The following KCNK10 variants were observed in gnomAD, a reference collection of about 807,000 sequenced individuals.
The protein encoded by KCNK10 is potassium two pore domain channel subfamily K member 10.
Under a neutral mutation model 47.7 loss-of-function variants are expected in KCNK10, and 25 were observed. The observed-to-expected ratio is 0.52, with a 90% CI of 0.38 to 0.73. KCNK10 has a LOEUF of 0.73. KCNK10 is among the 30% of genes least tolerant of loss of function. KCNK10 has a pLI of 0.00. For synonymous variants in KCNK10, 303 were observed against 285.6 expected (o/e 1.06, Z -0.61); for missense variants, 563 against 714.5 (o/e 0.79, Z 2.42).
intron 1 of KCNK10, among the ~76,000 whole-genome samples, chr14:88,304,377 T>C (rs922648822): frequency 1.3e-5 from 2 of 152,156 alleles, no homozygotes; most frequent in Admixed American, 1.3e-4. Context: ...TGTAATGAAG[T>C]AAGAAAGACA....
chr14:88,218,590 C>T (rs1885699382), intron 4 of KCNK10, among the ~76,000 whole-genome samples: 1 of 151,102 alleles, frequency 6.6e-6, no homozygotes, highest in Admixed American at 6.6e-5. Context: ...AAAAAGGTGT[C>T]CCTTGGTTTT....
At position 88,323,032 on chromosome 14, in the gene KCNK10, C is replaced by A. The variant is rs922519978; in HGVS notation, c.-234G>T. 2 of 1,324,590 alleles carry A rather than the reference C, an allele frequency of 1.5e-6. No homozygotes were observed. Among genetic ancestry groups the A allele is most frequent in the Non-Finnish European group, 1.9e-6 (2 of 1,034,638 alleles). The allele number at this position is 1,324,590 out of a possible 1,614,324, so 82.1% of individuals were successfully genotyped here. A position where few individuals can be genotyped will look rare whatever the true frequency, so the allele number is the denominator to read the frequency against. ...GCCAGGGGGTGGCCGGCCGCGGCCC[C>A]GTGGGTAAAAGAAAAAGTAAGATCG... is the stretch of plus-strand genomic sequence containing the variant. On this transcript the variant is annotated 5_prime_UTR_variant, in exon 1 of 7. Transcript: ENST00000319231.
At chr14:88,216,222 C>T (rs905624122) in intron 4 of KCNK10, among the ~76,000 whole-genome samples, 3 of 152,062 alleles carry the variant, frequency 2.0e-5, no homozygotes, top group Admixed American at 2.0e-4. Flanking sequence ...GTCGGAATGG[C>T]GCTAGCACTG....
chr14:88,183,539 T>G lies in KCNK10; in HGVS notation c.*1996A>C, dbSNP rs1429691382. ...GCTGGAATGATTCCCATAGTAAAACTCAACATCCACACCTGCATAAACATC... is the reference window on the plus strand; with the variant it reads ...GCTGGAATGATTCCCATAGTAAAACGCAACATCCACACCTGCATAAACATC... On this transcript the variant is annotated 3_prime_UTR_variant, in exon 7 of 7. Coordinates refer to ENST00000319231, the MANE Select transcript of KCNK10 (RefSeq NM_138317.3). The G allele has an allele frequency of 1.3e-5, 2 of 152,362 alleles. No homozygotes were observed. Among genetic ancestry groups the G allele is most frequent in the African/African-American group, 2.4e-5 (1 of 41,446 alleles). The allele number at this position is 152,362 out of a possible 1,614,324, so 9.4% of individuals were successfully genotyped here.
At chr14:88,306,483 T>C (rs1161197512) in intron 1 of KCNK10, among the ~76,000 whole-genome samples, 1 of 152,100 alleles carries the variant, frequency 6.6e-6, no homozygotes, top group Non-Finnish European at 1.5e-5. Flanking sequence ...TGGGGGAAGA[T>C]TTGTACTTCA....
At chr14:88,236,746 G>C (rs573199020) in intron 3 of KCNK10, among the ~76,000 whole-genome samples, 1 of 152,294 alleles carries the variant, frequency 6.6e-6, no homozygotes, top group East Asian at 1.9e-4. Flanking sequence ...AGTCTATTGA[G>C]TGTACAATAG....
At chr14:88,259,462 T>C (rs1005195620) in intron 2 of KCNK10, among the ~76,000 whole-genome samples, 3 of 152,150 alleles carry the variant, frequency 2.0e-5, no homozygotes, top group African/African-American at 7.2e-5. Context: ...GGAACTCTAA[T>C]GATTTACTTA....
chr14:88,254,346 T>C (rs1886886318), intron 2 of KCNK10, among the ~76,000 whole-genome samples: 1 of 152,122 alleles, frequency 6.6e-6, no homozygotes, highest in South Asian at 2.1e-4. Flanking sequence ...AAATCCCATG[T>C]CCTTCCCGAT....
At chr14:88,215,877 T>C (rs1403005293) in intron 4 of KCNK10, among the ~76,000 whole-genome samples, 8 of 152,148 alleles carry the variant, frequency 5.3e-5, no homozygotes, top group Non-Finnish European at 1.2e-4. Context: ...TTACTGTGCA[T>C]AGAAAAGAGT....
intron 1 of KCNK10, among the ~76,000 whole-genome samples, chr14:88,283,228 C>T (rs1887688496): frequency 6.6e-6 from 1 of 152,126 alleles, no homozygotes; most frequent in Non-Finnish European, 1.5e-5. Flanking sequence ...TTCTGGGACA[C>T]ATTTATGTAA....
intron 3 of KCNK10, among the ~76,000 whole-genome samples, chr14:88,237,229 T>A (rs1258347585): frequency 6.6e-6 from 1 of 152,228 alleles, no homozygotes; most frequent in Non-Finnish European, 1.5e-5. Context: ...AAGCTCCTAA[T>A]TCATTCAAGT....
intron 1 of KCNK10, among the ~76,000 whole-genome samples, chr14:88,310,242 A>ATGCAT (rs1888298509): frequency 7.0e-6 from 1 of 143,256 alleles, no homozygotes; most frequent in Non-Finnish European, 1.5e-5. Context: ...ATACCATATA[A>ATGCAT]ATGATATGCA....
rs867283866 is a variant in KCNK10, at chr14:88,180,540, C to A, written c.*4995G>T. ...CTGCAGCATAGGTCTGCTGAATCGA[C>A]GGAGCAGGAGTCCTCTCAAAATAAT... is the stretch of plus-strand genomic sequence containing the variant. On this transcript the variant is annotated 3_prime_UTR_variant, in exon 7 of 7. Transcript: ENST00000319231. 3 of 346,094 alleles carry A rather than the reference C, an allele frequency of 8.7e-6. No individual in the cohort carries two copies. Among genetic ancestry groups the A allele is most frequent in the Non-Finnish European group, 1.5e-5 (3 of 193,694 alleles). 21.4% of individuals were successfully genotyped at this position (346,094 alleles called of 1,614,324 possible).
At position 88,187,999 on chromosome 14, in the gene KCNK10, G is replaced by A. The variant is rs1375343407; in HGVS notation, c.979C>T (p.Leu327=). ...TTTGTCTTTTTGGACAGAACCCGTA[G>A]CCAATCTCCGATCATACTGAGGACA... ...AAVLSMIGDW[L]RVLSKKTKEE... is the part of the protein sequence containing the mutation. Residue 327 remains leucine, a synonymous_variant, in exon 6 of 7, where the codon CTA becomes TTA. Coordinates refer to ENST00000319231, the MANE Select transcript of KCNK10 (RefSeq NM_138317.3). The A allele has an allele frequency of 6.2e-7, 1 of 1,614,036 alleles. No individual in the cohort carries two copies. The highest frequency in any genetic ancestry group is 1.3e-5 in the African/African-American group (1 of 74,906).
At chr14:88,240,644 T>C in intron 3 of KCNK10, 59 bp downstream of exon 3, 1 of 1,093,662 alleles carries the variant, frequency 9.1e-7, no homozygotes, top group South Asian at 1.2e-5. Context: ...AAACACTGAC[T>C]AAGCGCCCTT....
rs1478754827 is a variant in KCNK10 at position 88,292,482 on chromosome 14, TG to T, written c.53-28932del. 4.6e-5 allele frequency among the ~76,000 whole-genome samples: 7 copies of T among 152,110 alleles called. No homozygotes were observed. The South Asian group carries it at 1.5e-3, about 32-fold the overall frequency. On this transcript the variant is annotated intron_variant, in intron 1 of 6. Transcript: ENST00000319231. ...CTCCTGCCTCAGCATCCTGAGTATC[TG>T]GGATTATAGGCACCCGCCACAATGC...
chr14:88,218,799 C>T (rs960530319), intron 4 of KCNK10, among the ~76,000 whole-genome samples: 1 of 152,094 alleles, frequency 6.6e-6, no homozygotes, highest in Non-Finnish European at 1.5e-5. Flanking sequence ...AGAAAGAGGC[C>T]GCCTGCTTCC....
chr14:88,283,712 C>T (rs1887701491), intron 1 of KCNK10, among the ~76,000 whole-genome samples: 1 of 152,132 alleles, frequency 6.6e-6, no homozygotes. Context: ...GAGATCGAGA[C>T]CATCCTGGCC....
At chr14:88,241,161 C>T (rs1886454404) in intron 2 of KCNK10, among the ~76,000 whole-genome samples, 1 of 152,152 alleles carries the variant, frequency 6.6e-6, no homozygotes, top group African/African-American at 2.4e-5. Flanking sequence ...GAATGTTCAC[C>T]CAAAGTGGGC....
Sources: gnomAD v4.1 joint callset for allele counts (sites outside exome capture counted in the v4.1 genomes callset) on GRCh38, gnomAD v4.1.1 for gene constraint, MANE v1.5 for transcripts, NCBI Gene and HGNC (gene_info 2026-07-23, HGNC 2026-07-21) for gene names.